The following MAML3 variants were observed in gnomAD, a reference collection of about 807,000 sequenced individuals.
The protein encoded by MAML3 is mastermind-like protein 3.
In MAML3, 27 loss-of-function variants were observed where a neutral mutation model predicts 101.9. The observed-to-expected ratio is 0.27, with a 90% CI of 0.20 to 0.37. MAML3 has a LOEUF of 0.37. Ranked by LOEUF, MAML3 falls within the 10% of genes least tolerant of loss-of-function variation. The pLI, the probability that MAML3 is intolerant of heterozygous loss-of-function variation, is 1.00. For synonymous variants in MAML3, 501 were observed against 555.9 expected (o/e 0.90, Z 1.39); for missense variants, 1,316 against 1,444.9 (o/e 0.91, Z 1.45).
intron 2 of MAML3, among the ~76,000 whole-genome samples, chr4:139,811,874 A>G (rs978060872): frequency 6.6e-6 from 1 of 152,236 alleles, no homozygotes; most frequent in African/African-American, 2.4e-5. Flanking sequence ...AAAGTGGATG[A>G]ATGTGTGGTA....
intron 2 of MAML3, among the ~76,000 whole-genome samples, chr4:139,804,522 C>A (rs1730670819): frequency 6.6e-6 from 1 of 152,046 alleles, no homozygotes; most frequent in Admixed American, 6.6e-5. Flanking sequence ...CCACTTTGGC[C>A]TCCCAAAGTG....
chr4:140,115,712 C>T (rs1280404053), intron 1 of MAML3, among the ~76,000 whole-genome samples: 1 of 152,148 alleles, frequency 6.6e-6, no homozygotes, highest in East Asian at 1.9e-4. Context: ...CAAGTGTACT[C>T]AATTTATCCA....
At chr4:139,836,421 G>C (rs930495818) in intron 2 of MAML3, among the ~76,000 whole-genome samples, 3 of 152,214 alleles carry the variant, frequency 2.0e-5, no homozygotes, top group Non-Finnish European at 2.9e-5. Flanking sequence ...TACTGGGGCA[G>C]GAGGTAGGGT....
At position 140,153,298 on chromosome 4, in the gene MAML3, G is replaced by A. The variant is rs1373872785; in HGVS notation, c.30C>T (p.Ala10=). ...TGATGCAAATACTACTGCCATTCGC[G>A]GCAGCAGCGGGGGCTGCGAAATCCC... MGDFAAPAA[A]ANGSSICINS... The change falls in exon 1 of 5, where the codon GCC becomes GCT. Residue 10 remains alanine (A), a synonymous_variant. Transcript: ENST00000509479. The A allele has an allele frequency of 1.9e-6, 3 of 1,598,556 alleles. No individual in the cohort carries two copies. The highest frequency in any genetic ancestry group is 2.6e-6 in the Non-Finnish European group (3 of 1,171,390).
chr4:139,750,476 T>G (rs1292099171), intron 2 of MAML3, among the ~76,000 whole-genome samples: 1 of 152,216 alleles, frequency 6.6e-6, no homozygotes, highest in African/African-American at 2.4e-5. Flanking sequence ...GTTTTGGGCT[T>G]TCTTCTCTTT....
intron 1 of MAML3, among the ~76,000 whole-genome samples, chr4:139,912,365 G>T (rs1732940134): frequency 6.8e-6 from 1 of 147,668 alleles, no homozygotes; most frequent in Admixed American, 6.6e-5. Context: ...CACTGCTAAG[G>T]AGGAAAAAAT....
chr4:140,092,082 A>G (rs1251571960), intron 1 of MAML3, among the ~76,000 whole-genome samples: 1 of 60,294 alleles, frequency 1.7e-5, no homozygotes, highest in East Asian at 3.6e-4. Context: ...ATACGTATAT[A>G]TATACGTATA....
chr4:140,091,771 T>G (rs1350412978), intron 1 of MAML3, among the ~76,000 whole-genome samples: 1 of 151,890 alleles, frequency 6.6e-6, no homozygotes, highest in African/African-American at 2.4e-5. Flanking sequence ...TAATGGCTGT[T>G]TATGCCCAGA....
At chr4:140,071,660 A>G (rs969740035) in intron 1 of MAML3, among the ~76,000 whole-genome samples, 3 of 152,050 alleles carry the variant, frequency 2.0e-5, no homozygotes, top group African/African-American at 7.2e-5. Context: ...TTTAAAAAAA[A>G]AAAAAAATCC....
At chr4:139,951,424 G>A (rs1733829888) in intron 1 of MAML3, among the ~76,000 whole-genome samples, 1 of 152,246 alleles carries the variant, frequency 6.6e-6, no homozygotes, top group African/African-American at 2.4e-5. Context: ...GCTTCTGGAG[G>A]CCCACCAGTG....
At chr4:139,784,940 G>C (rs78537109) in intron 2 of MAML3, among the ~76,000 whole-genome samples, 1,835 of 152,290 alleles carry the variant, frequency 0.012, 19 homozygotes, top group South Asian at 0.025. Flanking sequence ...AGGAGGGGTG[G>C]GAGGGTGGAA....
intron 2 of MAML3, among the ~76,000 whole-genome samples, chr4:139,837,090 C>A (rs1731266833): frequency 6.8e-6 from 1 of 146,184 alleles, no homozygotes; most frequent in Non-Finnish European, 1.5e-5. Context: ...CCATTGCACT[C>A]CAGCCTGGGC....
At chr4:139,881,893 G>T (rs1255432523) in intron 2 of MAML3, among the ~76,000 whole-genome samples, 1 of 152,050 alleles carries the variant, frequency 6.6e-6, no homozygotes, top group African/African-American at 2.4e-5. Flanking sequence ...TAGAGACGGG[G>T]TTTCACCATA....
chr4:140,086,148 A>G (rs550921182), intron 1 of MAML3, among the ~76,000 whole-genome samples: 1 of 152,330 alleles, frequency 6.6e-6, no homozygotes, highest in East Asian at 1.9e-4. Context: ...CTCTCTGTAC[A>G]TATACATAAA....
At chr4:139,914,828 G>A (rs1452918529) in intron 1 of MAML3, among the ~76,000 whole-genome samples, 2 of 152,168 alleles carry the variant, frequency 1.3e-5, no homozygotes, top group Non-Finnish European at 2.9e-5. Flanking sequence ...GAAGAAAGAC[G>A]TTACCTTCAG....
intron 1 of MAML3, among the ~76,000 whole-genome samples, chr4:139,981,992 C>A (rs1475556334): frequency 2.6e-5 from 4 of 152,184 alleles, no homozygotes; most frequent in Admixed American, 2.0e-4. Flanking sequence ...AAAGTGACTC[C>A]TTCTTTTCCG....
chr4:140,151,667 C>G (rs570865192), intron 1 of MAML3, among the ~76,000 whole-genome samples: 6 of 149,022 alleles, frequency 4.0e-5, no homozygotes, highest in Non-Finnish European at 8.9e-5. Context: ...GCCTGGCCCA[C>G]CCAGCACCCG....
At chr4:140,028,297 G>C (rs1032015888) in intron 1 of MAML3, among the ~76,000 whole-genome samples, 22 of 152,176 alleles carry the variant, frequency 1.4e-4, no homozygotes, top group African/African-American at 5.1e-4. Context: ...AGGTTCCTGG[G>C]GTAAGGATTC....
At position 139,890,931 on chromosome 4, in the gene MAML3, G is replaced by C. The variant is rs781343044; in HGVS notation, c.505C>G (p.Arg169Gly). The change falls in exon 2 of 5, where the codon CGA (arginine) becomes GGA (glycine). Residue 169 changes from arginine (R) to glycine (G), a missense_variant. Physicochemically the swap from Arg to Gly is moderately radical, Grantham distance 125. Transcript: ENST00000509479. The surrounding 1 kb of genome is among the most constrained non-coding windows in gnomAD (Gnocchi z 4.1). ...TGCTGGTCTCCATTAAGTGGTGATCGAGCTCCTTCCAACTTCCTTTTCACA... is the reference window on the plus strand; with the variant it reads ...TGCTGGTCTCCATTAAGTGGTGATCCAGCTCCTTCCAACTTCCTTTTCACA... ...ETVKRKLEGA[R>G]SPLNGDQQNG... 18 of 1,613,094 alleles carry C rather than the reference G, an allele frequency of 1.1e-5. No individual in the cohort carries two copies. Among genetic ancestry groups the C allele is most frequent in the Admixed American group, 1.7e-5 (1 of 59,914 alleles).
Sources: allele counts gnomAD v4.1 joint callset (sites outside exome capture counted in the v4.1 genomes callset), GRCh38; gene constraint gnomAD v4.1.1; non-coding constraint Gnocchi (gnomAD v3.1); transcripts MANE v1.5; gene names NCBI Gene and HGNC (gene_info 2026-07-23, HGNC 2026-07-21).